Variants in GRM5 observed in about 807,000 individuals in gnomAD.
The protein encoded by GRM5 is glutamate metabotropic receptor 5.
GRM5 carries 19 observed loss-of-function variants against 83.1 expected under a neutral mutation model. The ratio of observed to expected loss-of-function variants is 0.23; its 90% CI spans 0.16 to 0.34. GRM5 has a LOEUF of 0.34. Among genes scored for constraint, GRM5 ranks in the 10% least tolerant of loss-of-function variants. The pLI is 1.00. For missense variants in GRM5, 1,160 were observed against 1,588.3 expected (o/e 0.73, Z 4.58); for synonymous variants, 675 against 633.6 (o/e 1.07, Z -0.98).
At chr11:88,947,337 AAAC>A (rs1353579516) in intron 2 of GRM5, among the ~76,000 whole-genome samples, 1 of 152,064 alleles carries the variant, frequency 6.6e-6, no homozygotes, top group Non-Finnish European at 1.5e-5. Flanking sequence ...TGGTTACTTT[AAAC>A]AACATTTCCA....
intron 3 of GRM5, among the ~76,000 whole-genome samples, chr11:88,693,059 G>A (rs563350576): frequency 6.6e-6 from 1 of 152,192 alleles, no homozygotes; most frequent in East Asian, 1.9e-4. Flanking sequence ...TTAACAGACT[G>A]CAGAATTAAG....
intron 3 of GRM5, among the ~76,000 whole-genome samples, chr11:88,683,665 C>T (rs1309727575): frequency 6.6e-6 from 1 of 152,082 alleles, no homozygotes; most frequent in East Asian, 1.9e-4. Context: ...TCTTTCTGCT[C>T]TTGTGTGAAA....
chr11:88,601,983 C>T (rs1938011309), intron 5 of GRM5, among the ~76,000 whole-genome samples: 1 of 152,140 alleles, frequency 6.6e-6, no homozygotes, highest in South Asian at 2.1e-4. Flanking sequence ...AGTTTGATGA[C>T]TGATGACTGG....
At chr11:88,813,913 T>G (rs1485543955) in intron 3 of GRM5, among the ~76,000 whole-genome samples, 1 of 152,022 alleles carries the variant, frequency 6.6e-6, no homozygotes, top group East Asian at 1.9e-4. Flanking sequence ...TCCTAAAAAT[T>G]TTTACAATAA....
intron 3 of GRM5, among the ~76,000 whole-genome samples, chr11:88,671,019 G>A (rs1940179868): frequency 6.6e-6 from 1 of 151,962 alleles, no homozygotes; most frequent in Non-Finnish European, 1.5e-5. Flanking sequence ...TGACAGAGCA[G>A]GAGCATCGCC....
intron 2 of GRM5, among the ~76,000 whole-genome samples, chr11:88,964,690 A>G (rs1381082939): frequency 2.6e-5 from 4 of 152,222 alleles, no homozygotes; most frequent in Non-Finnish European, 4.4e-5. Context: ...TTGGCACATC[A>G]TATTCAAGCT....
intron 3 of GRM5, among the ~76,000 whole-genome samples, chr11:88,814,196 T>A (rs982045089): frequency 6.6e-6 from 1 of 151,984 alleles, no homozygotes. Context: ...CCCTGAGAAA[T>A]GAGAAACAAA....
At chr11:88,560,759 C>A (rs146014282) in intron 8 of GRM5, among the ~76,000 whole-genome samples, 1 of 152,112 alleles carries the variant, frequency 6.6e-6, no homozygotes, top group Admixed American at 6.6e-5. Context: ...TATAAATACG[C>A]TGAAGACAGC....
At chr11:88,531,984 T>C (rs1055082096) in intron 8 of GRM5, among the ~76,000 whole-genome samples, 2 of 152,056 alleles carry the variant, frequency 1.3e-5, no homozygotes, top group Non-Finnish European at 2.9e-5. Context: ...GATATTTTCT[T>C]ATATGTGTAG....
chr11:88,741,124 G>A (rs747481798), intron 3 of GRM5, among the ~76,000 whole-genome samples: 1 of 152,044 alleles, frequency 6.6e-6, no homozygotes, highest in Non-Finnish European at 1.5e-5. Flanking sequence ...CTTAAGAGGA[G>A]TTCACTGGTA....
chr11:88,827,152 C>T (rs1288937863), intron 3 of GRM5, among the ~76,000 whole-genome samples: 1 of 152,070 alleles, frequency 6.6e-6, no homozygotes, highest in Non-Finnish European at 1.5e-5. Flanking sequence ...ATTTACAAAC[C>T]TCTATGTAAA....
At chr11:88,940,784 GA>G (rs1268670853) in intron 2 of GRM5, among the ~76,000 whole-genome samples, 1 of 151,696 alleles carries the variant, frequency 6.6e-6, no homozygotes, top group Non-Finnish European at 1.5e-5. Context: ...TGAGTATATT[GA>G]AAAAAAGTGA....
At chr11:88,824,028 T>A (rs10765797) in intron 3 of GRM5, among the ~76,000 whole-genome samples, 3,875 of 152,112 alleles carry the variant, frequency 0.025, 169 homozygotes, top group African/African-American at 0.089. Context: ...TGCATATTGG[T>A]TTACTCCTTG....
At position 88,509,164 on chromosome 11, in the gene GRM5, T is replaced by C. The variant is rs1941280777; in HGVS notation, c.3067A>G (p.Ser1023Gly). 5 of 1,538,172 alleles carry C rather than the reference T, an allele frequency of 3.3e-6. No individual in the cohort carries two copies. In the South Asian group the frequency reaches 4.8e-5, roughly 15 times the overall value. Residue 1023 changes from serine to glycine, a missense_variant, in exon 10 of 10, where the codon AGC (serine) becomes GGC (glycine). Ser to Gly is a moderately conservative substitution (Grantham distance 56). Coordinates refer to ENST00000305447, the MANE Select transcript of GRM5 (RefSeq NM_001143831.3). ...PARPRSPSPI[S>G]TLSHRAGSAS... is the part of the protein sequence containing the mutation. The stretch of plus-strand genomic sequence containing the variant: ...GAGCCCGCGCGGTGGCTCAGCGTGC[T>C]GATGGGCGACGGTGAGCGCGGCCGC...
intron 2 of GRM5, among the ~76,000 whole-genome samples, chr11:88,986,886 G>C (rs990404437): frequency 6.6e-6 from 1 of 151,766 alleles, no homozygotes; most frequent in Non-Finnish European, 1.5e-5. Context: ...GTTAATTTTT[G>C]TATGTAAGAC....
Position 88,567,479 on chromosome 11 carries a change from G to A in GRM5, c.2204C>T (p.Thr735Ile). The A allele has an allele frequency of 1.2e-6, 2 of 1,614,074 alleles. No individual in the cohort carries two copies. The highest frequency in any genetic ancestry group is 2.2e-5 in the South Asian group (2 of 91,074). Residue 735 changes from threonine (T) to isoleucine (I), a missense_variant, in exon 8 of 10, where the codon ACC becomes ATC. By Grantham distance (89) the Thr-to-Ile change is moderately conservative (BLOSUM62 -1). Around this residue, in one of 9 missense-constraint regions of GRM5, gnomAD observed 44 missense variants for 41.0 expected, o/e 1.07. Coordinates refer to ENST00000305447, the MANE Select transcript of GRM5 (RefSeq NM_001143831.3). The surrounding 1 kb of genome is among the most constrained non-coding windows in gnomAD (Gnocchi z 7.3). ...SIREVYLICNTTNLGVVTPLG... is the reference protein window; with the variant it reads ...SIREVYLICNITNLGVVTPLG... ...TGGAGTGACAACTCCTAGGTTGGTG[G>A]TGTTACAGATCAGGTAGACTTCTCG... is the stretch of plus-strand genomic sequence containing the variant.
chr11:88,558,882 T>G (rs1275699901), intron 8 of GRM5, among the ~76,000 whole-genome samples: 2 of 151,514 alleles, frequency 1.3e-5, no homozygotes, highest in Non-Finnish European at 2.9e-5. Flanking sequence ...TTTATAAAGT[T>G]CTATTTTTTT....
chr11:89,004,846 A>G (rs1940480218), intron 2 of GRM5, among the ~76,000 whole-genome samples: 1 of 152,208 alleles, frequency 6.6e-6, no homozygotes, highest in Non-Finnish European at 1.5e-5. Flanking sequence ...TAGATGAAAT[A>G]TTTATGTTTT....
At chr11:88,668,550 CAAAT>C (rs1253201117) in intron 3 of GRM5, among the ~76,000 whole-genome samples, 3 of 152,104 alleles carry the variant, frequency 2.0e-5, no homozygotes, top group East Asian at 3.9e-4. Flanking sequence ...TGAAAAATCT[CAAAT>C]AACATATTAG....
Sources: gnomAD v4.1 joint callset for allele counts (sites outside exome capture counted in the v4.1 genomes callset) on GRCh38, gnomAD v4.1.1 for gene constraint, gnomAD v4.1.1 regional missense constraint, Gnocchi (gnomAD v3.1) non-coding constraint, MANE v1.5 for transcripts, NCBI Gene and HGNC (gene_info 2026-07-23, HGNC 2026-07-21) for gene names.